OR2L13: variants seen among roughly 807,000 people sequenced by gnomAD.
OR2L13 encodes olfactory receptor 2L13.
In OR2L13, 14 loss-of-function variants were observed where a neutral mutation model predicts 15.3. The ratio of observed to expected loss-of-function variants is 0.91; its 90% confidence interval spans 0.60 to 1.43. The LOEUF is 1.43. Ranked by LOEUF, OR2L13 falls within the 40% of genes most tolerant of loss-of-function variation. OR2L13 has a pLI of 0.00. For missense variants in OR2L13, 367 were observed against 387.9 expected (o/e 0.95, Z 0.45); for synonymous variants, 152 against 142.9 (o/e 1.06, Z -0.45).
At chr1:247,941,639 AAAAG>A in the OR2L13 span, among the ~76,000 whole-genome samples, 13 of 152,104 alleles carry the variant, frequency 8.5e-5, no homozygotes, top group Non-Finnish European at 1.3e-4. Flanking sequence ...GAGATAGAGA[AAAAG>A]AGAGAGAGAG....
At chr1:247,961,814 G>C in the OR2L13 span, among the ~76,000 whole-genome samples, 1 of 152,180 alleles carries the variant, frequency 6.6e-6, no homozygotes, top group Non-Finnish European at 1.5e-5. Flanking sequence ...ATATTTGGTA[G>C]CTAGCAGAGC....
At chr1:248,089,748 A>C in the OR2L13 span, among the ~76,000 whole-genome samples, 1 of 152,148 alleles carries the variant, frequency 6.6e-6, no homozygotes, top group African/African-American at 2.4e-5. Flanking sequence ...GACCTCAGAT[A>C]AGGAGGAACT....
chr1:248,095,455 C>T (rs1664709620), upstream of OR2L13, among the ~76,000 whole-genome samples: 1 of 151,854 alleles, frequency 6.6e-6, no homozygotes, highest in East Asian at 1.9e-4. Flanking sequence ...ATTCTCACTT[C>T]AGAAAGAGTT....
At chr1:248,022,825 A>G in the OR2L13 span, 2 of 1,613,062 alleles carry the variant, frequency 1.2e-6, no homozygotes, top group Non-Finnish European at 1.7e-6. Flanking sequence ...AGCCTGAGAA[A>G]CAAGGAGGTG....
chr1:248,078,808 A>G, the OR2L13 span, among the ~76,000 whole-genome samples: 40 of 152,326 alleles, frequency 2.6e-4, 1 homozygote, highest in African/African-American at 8.7e-4. Flanking sequence ...CAAATTATTG[A>G]CACATATGAT....
chr1:248,046,474 C>T, the OR2L13 span, among the ~76,000 whole-genome samples: 2 of 152,250 alleles, frequency 1.3e-5, no homozygotes, highest in East Asian at 1.9e-4. Flanking sequence ...AGTTTAGAAA[C>T]ACAATAACAT....
At chr1:248,021,902 G>C in the OR2L13 span, 14 of 1,491,884 alleles carry the variant, frequency 9.4e-6, no homozygotes, top group Admixed American at 1.7e-5. Context: ...TACTGTACTT[G>C]ACTTACCCTT....
the OR2L13 span, among the ~76,000 whole-genome samples, chr1:248,070,885 A>C: frequency 6.6e-6 from 1 of 152,246 alleles, no homozygotes; most frequent in Middle Eastern, 3.2e-3. Context: ...GAAGAAATGG[A>C]TAAATTCCTC....
the OR2L13 span, chr1:248,083,637 C>A: frequency 6.9e-7 from 1 of 1,445,064 alleles, no homozygotes; most frequent in East Asian, 2.3e-5. Flanking sequence ...ACTAGATCAT[C>A]TTGACCTGTG....
the OR2L13 span, among the ~76,000 whole-genome samples, chr1:247,945,306 G>T: frequency 4.6e-5 from 7 of 152,092 alleles, no homozygotes; most frequent in Non-Finnish European, 5.9e-5. Context: ...TTTCCATGTA[G>T]TTGTGTGGTT....
At chr1:247,956,459 A>T in the OR2L13 span, among the ~76,000 whole-genome samples, 2 of 151,332 alleles carry the variant, frequency 1.3e-5, no homozygotes, top group Admixed American at 1.3e-4. Context: ...ACTTTAAAGT[A>T]GTTTTTTCCA....
chr1:248,027,030 A>G, the OR2L13 span, among the ~76,000 whole-genome samples: 1 of 152,332 alleles, frequency 6.6e-6, no homozygotes, highest in African/African-American at 2.4e-5. Context: ...GGTGGAACAG[A>G]GCCATATTTC....
At chr1:247,967,866 TCTCCTC>T in the OR2L13 span, among the ~76,000 whole-genome samples, 4 of 151,494 alleles carry the variant, frequency 2.6e-5, no homozygotes, top group Non-Finnish European at 4.4e-5. Context: ...TCCTCCTCCT[TCTCCTC>T]CTCGTCCTTC....
exon 3 of OR2L13, chr1:248,099,532 C>G: frequency 6.2e-7 from 1 of 1,614,000 alleles, no homozygotes; most frequent in Non-Finnish European, 8.5e-7. Flanking sequence ...CGTGGATCCT[C>G]GTCTCCACAC....
chr1:248,081,164 C>A, the OR2L13 span, among the ~76,000 whole-genome samples: 1 of 151,914 alleles, frequency 6.6e-6, no homozygotes, highest in Non-Finnish European at 1.5e-5. Flanking sequence ...CTATGCAAAC[C>A]TTTATTAAGA....
At chr1:247,942,898 C>T in the OR2L13 span, among the ~76,000 whole-genome samples, 1 of 151,130 alleles carries the variant, frequency 6.6e-6, no homozygotes, top group East Asian at 1.9e-4. Context: ...CTCCCATTCC[C>T]TGGGGTCCAC....
At chr1:247,982,022 A>G in the OR2L13 span, among the ~76,000 whole-genome samples, 2 of 151,984 alleles carry the variant, frequency 1.3e-5, no homozygotes, top group Admixed American at 6.6e-5. Context: ...TCACCGTGTT[A>G]GCCAGGATGG....
At chr1:247,993,768 A>G in the OR2L13 span, among the ~76,000 whole-genome samples, 1 of 87,152 alleles carries the variant, frequency 1.1e-5, no homozygotes, top group Non-Finnish European at 2.2e-5. Context: ...AGGGGGAGAG[A>G]GAGAGAGAGA....
At chr1:248,078,970 A>C in the OR2L13 span, among the ~76,000 whole-genome samples, 1 of 152,082 alleles carries the variant, frequency 6.6e-6, no homozygotes, top group African/African-American at 2.4e-5. Context: ...AGACGTTAGG[A>C]GGTTTGGGGA....
Sources: gnomAD v4.1 joint callset for allele counts (sites outside exome capture counted in the v4.1 genomes callset) on GRCh38, gnomAD v4.1.1 for gene constraint, MANE v1.5 for transcripts, NCBI Gene and HGNC (gene_info 2026-07-23, HGNC 2026-07-21) for gene names.